The following DEXI variants were observed in gnomAD, a reference collection of about 807,000 sequenced individuals.
DEXI encodes the protein dexamethasone-induced protein.
Under a neutral mutation model 2.5 loss-of-function variants are expected in DEXI, and 2 were observed. The observed-to-expected ratio is 0.81, with a 90% confidence interval of 0.33 to 2.55. The LOEUF (loss-of-function observed/expected upper bound fraction) is 2.55. Among genes scored for constraint, DEXI ranks in the 30% most tolerant of loss-of-function variants. The pLI is 0.11. For missense variants in DEXI, 108 were observed against 130.3 expected (o/e 0.83, Z 0.83); for synonymous variants, 71 against 68.7 (o/e 1.03, Z -0.17).
At position 10,940,580 on chromosome 16, in the gene DEXI, G is replaced by C. The variant is rs547858242; in HGVS notation, c.*149+989C>G. 6.6e-6 allele frequency: 1 copy of C among 152,394 alleles called. No individual in the cohort carries two copies. Among genetic ancestry groups the C allele is most frequent in the African/African-American group, 2.4e-5 (1 of 41,474 alleles). 9.4% of individuals were successfully genotyped at this position (152,394 alleles called of 1,614,324 possible). A position where few individuals can be genotyped will look rare whatever the true frequency, so the allele number is the denominator to read the frequency against. On this transcript the variant is annotated intron_variant, in intron 1 of 1. Coordinates refer to ENST00000331808, the MANE Select transcript of DEXI (RefSeq NM_014015.4). The surrounding 1 kb of genome is among the most constrained non-coding windows in gnomAD (Gnocchi z 4.2). ...CCAGTCTCAGGGGCTGAGCCAAGGC[G>C]TTCCTGCCTGCCCTGTGACCCTCAC...
At chr16:10,930,208 T>A (rs2040723824) in intron 1 of DEXI, 1 of 152,348 alleles carries the variant, frequency 6.6e-6, no homozygotes, top group Non-Finnish European at 1.5e-5. Context: ...CCTGCTCTGA[T>A]TCCAAGCCTC....
chr16:10,941,465 G>A lies in DEXI; in HGVS notation c.*149+104C>T, dbSNP rs2041100855. Reference sequence around the variant, plus strand: ...CCAGTTAGACCTGGAGGAGGTGAACGGAGGAGAAGCCTGAGGGAGGGGTGT... The same window carrying A: ...CCAGTTAGACCTGGAGGAGGTGAACAGAGGAGAAGCCTGAGGGAGGGGTGT... On this transcript the variant is annotated intron_variant, in intron 1 of 1. Coordinates refer to ENST00000331808, the MANE Select transcript of DEXI (RefSeq NM_014015.4). The surrounding 1 kb of genome is among the most constrained non-coding windows in gnomAD (Gnocchi z 6.4). 2 of 1,168,386 alleles carry A rather than the reference G, an allele frequency of 1.7e-6. No individual in the cohort carries two copies. Among genetic ancestry groups the A allele is most frequent in the Non-Finnish European group, 2.2e-6 (2 of 902,364 alleles). The allele number at this position is 1,168,386 out of a possible 1,614,324, so 72.4% of individuals were successfully genotyped here. A position where few individuals can be genotyped will look rare whatever the true frequency, so the allele number is the denominator to read the frequency against.
chr16:10,941,750 C>A lies in DEXI; in HGVS notation c.256G>T (p.Glu86Ter). 1 of 1,612,362 alleles carries A rather than the reference C, an allele frequency of 6.2e-7. No homozygotes were observed. The highest frequency in any genetic ancestry group is 8.5e-7 in the Non-Finnish European group (1 of 1,179,110). The change falls in exon 1 of 2, where the codon GAG (glutamate) becomes TAG (stop). Residue 86 changes from glutamate to a stop codon, truncating the protein, a stop_gained. Coordinates refer to ENST00000331808, the MANE Select transcript of DEXI (RefSeq NM_014015.4). LOFTEE classifies it low-confidence loss of function (END_TRUNC). The surrounding 1 kb of genome is among the most constrained non-coding windows in gnomAD (Gnocchi z 6.4). ...AAGTACGCATCAAAGACGTCGAGCTCCGAGTCAGCATCGTAAAGGCCCGAG... is the reference window on the plus strand; with the variant it reads ...AAGTACGCATCAAAGACGTCGAGCTACGAGTCAGCATCGTAAAGGCCCGAG... ...PGSGLYDADS[E>*]LDVFDAYLE
chr16:10,941,580 G>A lies in DEXI; in HGVS notation c.*138C>T, dbSNP rs1412203996. 8 of 1,458,896 alleles carry A rather than the reference G, an allele frequency of 5.5e-6. No individual in the cohort carries two copies. The Admixed American group carries it at 8.5e-5, about 16-fold the overall frequency. 90.4% of individuals were successfully genotyped at this position (1,458,896 alleles called of 1,614,324 possible). A position where few individuals can be genotyped will look rare whatever the true frequency, so the allele number is the denominator to read the frequency against. On this transcript the variant is annotated 3_prime_UTR_variant, in exon 1 of 2. Coordinates refer to ENST00000331808, the MANE Select transcript of DEXI (RefSeq NM_014015.4). This position sits in a 1 kb window ranked among gnomAD's most constrained non-coding sequence, Gnocchi z 6.4. ...GAGAGGGCACTTACAGGCCTCGGAG[G>A]CAGGGGAGGGTCTCCTCCTGGGGAA...
chr16:10,941,780 G>T lies in DEXI; in HGVS notation c.226C>A (p.Pro76Thr), dbSNP rs146324480. Residue 76 changes from proline (P) to threonine (T), a missense_variant, in exon 1 of 2, where the codon CCC becomes ACC. Transcript: ENST00000331808. The surrounding 1 kb of genome is among the most constrained non-coding windows in gnomAD (Gnocchi z 6.4). ...ALVDLGVLSD[P>T]GSGLYDADSE... is the part of the protein sequence containing the mutation. ...TCAGCATCGTAAAGGCCCGAGCCGG[G>T]GTCGGAGAGCACGCCGAGGTCCACG... 7 of 1,613,762 alleles carry T rather than the reference G, an allele frequency of 4.3e-6. No individual in the cohort carries two copies. Among genetic ancestry groups the T allele is most frequent in the Non-Finnish European group, 5.9e-6 (7 of 1,179,848 alleles).
chr16:10,936,186 G>C (rs2041016264), intron 1 of DEXI: 1 of 151,902 alleles, frequency 6.6e-6, no homozygotes, highest in Admixed American at 6.6e-5. Flanking sequence ...TGTAGAGACG[G>C]GGTCTCACTA....
Position 10,938,386 on chromosome 16 carries a change from G to A in DEXI, c.*149+3183C>T, listed in dbSNP as rs1184111095. The A allele has an allele frequency of 3.3e-5, 5 of 152,128 alleles. No homozygotes were observed. The highest frequency in any genetic ancestry group is 1.2e-4 in the African/African-American group (5 of 41,522). The allele number at this position is 152,128 out of a possible 1,614,324, so 9.4% of individuals were successfully genotyped here. A position where few individuals can be genotyped will look rare whatever the true frequency, so the allele number is the denominator to read the frequency against. ...ACATAAGAGAAAAAAAAAAAAAAGA[G>A]GGAGCAAAAGTAGGTGCACCTGTTC... On this transcript the variant is annotated intron_variant, in intron 1 of 1. Transcript: ENST00000331808. The surrounding 1 kb of genome is among the most constrained non-coding windows in gnomAD (Gnocchi z 4.9).
In DEXI at chr16:10,940,452, G is replaced by A. The variant is rs970244562; in HGVS notation, c.*149+1117C>T. On this transcript the variant is annotated intron_variant, in intron 1 of 1. Coordinates refer to ENST00000331808, the MANE Select transcript of DEXI (RefSeq NM_014015.4). This position sits in a 1 kb window ranked among gnomAD's most constrained non-coding sequence, Gnocchi z 4.2. The stretch of plus-strand genomic sequence containing the variant: ...TGGACTCAGCCTGCTTGCGGTGAAT[G>A]GCATTAGTGTCCATTTTCCTAAAGG... 2.0e-5 allele frequency: 3 copies of A among 152,240 alleles called. No homozygotes were observed. Among genetic ancestry groups the A allele is most frequent in the African/African-American group, 7.2e-5 (3 of 41,438 alleles). The allele number at this position is 152,240 out of a possible 1,614,324, so 9.4% of individuals were successfully genotyped here.
rs894745855 is a variant in DEXI, at chr16:10,929,622, G to A, written c.*150-63C>T. On this transcript the variant is annotated intron_variant, in intron 1 of 1. Coordinates refer to ENST00000331808, the MANE Select transcript of DEXI (RefSeq NM_014015.4). The surrounding 1 kb of genome is among the most constrained non-coding windows in gnomAD (Gnocchi z 4.3). ...GCCCCACCCTGCCACCAGGTTGGCTGGGGACAGGGACCAATCCACCAGGCT... is the reference window on the plus strand; with the variant it reads ...GCCCCACCCTGCCACCAGGTTGGCTAGGGACAGGGACCAATCCACCAGGCT... The A allele has an allele frequency of 6.0e-5, 58 of 964,404 alleles. No homozygotes were observed. The African/African-American group carries it at 9.1e-4, about 15-fold the overall frequency. The allele number at this position is 964,404 out of a possible 1,614,324, so 59.7% of individuals were successfully genotyped here. A position where few individuals can be genotyped will look rare whatever the true frequency, so the allele number is the denominator to read the frequency against.
intron 1 of DEXI, chr16:10,936,422 C>T (rs1159851695): frequency 2.6e-5 from 4 of 152,116 alleles, no homozygotes; most frequent in Non-Finnish European, 5.9e-5. Context: ...TTTTCAAATG[C>T]TTATGAAAAT....
chr16:10,942,288 C>T lies in DEXI; in HGVS notation c.-283G>A. 9.4e-6 allele frequency: 3 copies of T among 319,988 alleles called. No individual in the cohort carries two copies. The highest frequency in any genetic ancestry group is 1.2e-5 in the Non-Finnish European group (2 of 173,756). The allele number at this position is 319,988 out of a possible 1,614,324, so 19.8% of individuals were successfully genotyped here. A position where few individuals can be genotyped will look rare whatever the true frequency, so the allele number is the denominator to read the frequency against. On this transcript the variant is annotated 5_prime_UTR_variant, in exon 1 of 2. Transcript: ENST00000331808. This position sits in a 1 kb window ranked among gnomAD's most constrained non-coding sequence, Gnocchi z 5.0. ...GCGGCTGCCCGGCTCCCTCGTGGCG[C>T]CTCCCTGGCGCTCGCAGGGCCTCGC...
chr16:10,932,332 A>G (rs918821902), intron 1 of DEXI: 16 of 152,258 alleles, frequency 1.1e-4, no homozygotes, highest in African/African-American at 3.6e-4. Context: ...ACTCGAACTC[A>G]TGTCTTAACT....
rs990205982 is a variant in DEXI at position 10,934,827 on chromosome 16, G to C, written c.*150-5268C>G. The C allele has an allele frequency of 6.6e-6, 1 of 152,258 alleles. No homozygotes were observed. The highest frequency in any genetic ancestry group is 1.5e-5 in the Non-Finnish European group (1 of 68,068). The allele number at this position is 152,258 out of a possible 1,614,324, so 9.4% of individuals were successfully genotyped here. On this transcript the variant is annotated intron_variant, in intron 1 of 1. Coordinates refer to ENST00000331808, the MANE Select transcript of DEXI (RefSeq NM_014015.4). This position sits in a 1 kb window ranked among gnomAD's most constrained non-coding sequence, Gnocchi z 4.2. ...GCTTGGGGCCTGGGATGGCAGCTGT[G>C]AGGGCACCAGCACCATCTGGGGACT...
Position 10,942,109 on chromosome 16 carries a change from G to T in DEXI, c.-104C>A. On this transcript the variant is annotated 5_prime_UTR_variant, in exon 1 of 2. Transcript: ENST00000331808. This position sits in a 1 kb window ranked among gnomAD's most constrained non-coding sequence, Gnocchi z 5.0. ...CAGCGCAGCCATCCAGGGGTACCCT[G>T]GAGCCCGACAGAAGCAGGGCCGGGC... 1 of 915,454 alleles carries T rather than the reference G, an allele frequency of 1.1e-6. No homozygotes were observed. Among genetic ancestry groups the T allele is most frequent in the East Asian group, 3.6e-5 (1 of 28,136 alleles). The allele number at this position is 915,454 out of a possible 1,614,324, so 56.7% of individuals were successfully genotyped here.
intron 1 of DEXI, chr16:10,936,717 T>G (rs1308371117): frequency 1.3e-5 from 2 of 152,218 alleles, no homozygotes; most frequent in African/African-American, 2.4e-5. Context: ...GAGCCCTCAC[T>G]GGAGGCACCC....
chr16:10,935,204 A>C (rs1479419909), intron 1 of DEXI: 1 of 152,264 alleles, frequency 6.6e-6, no homozygotes, highest in African/African-American at 2.4e-5. Flanking sequence ...AAAGCATGTA[A>C]GTAACAATTT....
rs1297895061 is a variant in DEXI, at chr16:10,938,700, G to C, written c.*149+2869C>G. ...GGCAAGGCCTCCTTGGCTTGGATTT[G>C]AGGGTGGGGAGGAGGGAAGGCTGTG... On this transcript the variant is annotated intron_variant, in intron 1 of 1. Transcript: ENST00000331808. This position sits in a 1 kb window ranked among gnomAD's most constrained non-coding sequence, Gnocchi z 4.9. 1.3e-5 allele frequency: 2 copies of C among 152,166 alleles called. No individual in the cohort carries two copies. The highest frequency in any genetic ancestry group is 6.5e-5 in the Admixed American group (1 of 15,282). The allele number at this position is 152,166 out of a possible 1,614,324, so 9.4% of individuals were successfully genotyped here. A position where few individuals can be genotyped will look rare whatever the true frequency, so the allele number is the denominator to read the frequency against.
At chr16:10,935,686 T>C (rs934477238) in intron 1 of DEXI, 1 of 152,222 alleles carries the variant, frequency 6.6e-6, no homozygotes, top group Admixed American at 6.5e-5. Flanking sequence ...AGGGGACAGA[T>C]GGCATGTGCC....
Position 10,942,306 on chromosome 16 carries a change from G to C in DEXI, c.-301C>G, listed in dbSNP as rs2041112877. On this transcript the variant is annotated 5_prime_UTR_variant, in exon 1 of 2. Transcript: ENST00000331808. The surrounding 1 kb of genome is among the most constrained non-coding windows in gnomAD (Gnocchi z 5.0). ...CGTGGCGCCTCCCTGGCGCTCGCAG[G>C]GCCTCGCAGAGCCGGTGGGGATCCC... is the stretch of plus-strand genomic sequence containing the variant. The C allele has an allele frequency of 6.8e-6, 2 of 294,960 alleles. No homozygotes were observed. The highest frequency in any genetic ancestry group is 4.2e-5 in the South Asian group (1 of 24,040). The allele number at this position is 294,960 out of a possible 1,614,324, so 18.3% of individuals were successfully genotyped here. A position where few individuals can be genotyped will look rare whatever the true frequency, so the allele number is the denominator to read the frequency against.
Sources: allele counts gnomAD v4.1 joint callset, GRCh38; gene constraint gnomAD v4.1.1; non-coding constraint Gnocchi (gnomAD v3.1); transcripts MANE v1.5; gene names NCBI Gene and HGNC (gene_info 2026-07-23, HGNC 2026-07-21).